Variants in INPP5D observed in about 807,000 individuals in gnomAD.
INPP5D encodes the protein phosphatidylinositol 3,4,5-trisphosphate 5-phosphatase 1.
Under a neutral mutation model 122.9 loss-of-function variants are expected in INPP5D, and 33 were observed. The observed-to-expected ratio is 0.27, with a 90% CI of 0.20 to 0.36. The LOEUF (loss-of-function observed/expected upper bound fraction) is 0.36. INPP5D is among the 10% of genes least tolerant of loss of function. The pLI, the probability that INPP5D is intolerant of heterozygous loss-of-function variation, is 1.00. For missense variants in INPP5D, 1,053 were observed against 1,412.7 expected, an observed-to-expected ratio of 0.75 and a Z score of 4.08; for synonymous variants, 584 against 576.2, an observed-to-expected ratio of 1.01 and a Z score of -0.19.
At position 233,110,644 on chromosome 2, in the gene INPP5D, G is replaced by A. The variant is rs183257790; in HGVS notation, c.199-11463G>A. ...AGCTCAAAAAGTGGTTATTTAGGCC[G>A]GGTGCAGTGGCTGACGCCTGTAATC... On this transcript the variant is annotated intron_variant, in intron 2 of 26. Transcript: ENST00000445964. Among the ~76,000 whole-genome samples the A allele has an allele frequency of 1.4e-3, 209 of 152,242 alleles. 1 individual carries two copies. Among genetic ancestry groups the A allele is most frequent in the African/African-American group, 4.9e-3 (203 of 41,544 alleles).
At chr2:233,121,249 G>C (rs1463871917) in intron 2 of INPP5D, among the ~76,000 whole-genome samples, 1 of 146,858 alleles carries the variant, frequency 6.8e-6, no homozygotes, top group Non-Finnish European at 1.5e-5. Context: ...CTCTTGCCTC[G>C]CCCTCCCAAG....
intron 2 of INPP5D, among the ~76,000 whole-genome samples, chr2:233,116,071 A>G (rs1692779541): frequency 6.6e-6 from 1 of 152,092 alleles, no homozygotes; most frequent in African/African-American, 2.4e-5. Flanking sequence ...TTGTTTCACA[A>G]TCTGAACTAA....
chr2:233,140,740 T>A (rs1396328637), intron 6 of INPP5D: 3 of 152,356 alleles, frequency 2.0e-5, no homozygotes, highest in African/African-American at 7.2e-5. Context: ...CAGATCTCAC[T>A]GTGTTGCCCA....
rs1002081629 is a variant in INPP5D, at chr2:233,078,168, G to A, written c.135-1167G>A. On this transcript the variant is annotated intron_variant, in intron 1 of 26. Transcript: ENST00000445964. The surrounding 1 kb of genome is among the most constrained non-coding windows in gnomAD (Gnocchi z 4.6). Reference sequence around the variant, plus strand: ...TGACAGCCTTCTGGCCTCAGCAGCCGATGGATTCCATGGGTGTTAGCTGCT... The same window carrying A: ...TGACAGCCTTCTGGCCTCAGCAGCCAATGGATTCCATGGGTGTTAGCTGCT... Among the ~76,000 whole-genome samples the A allele has an allele frequency of 2.0e-5, 3 of 152,230 alleles. No individual in the cohort carries two copies. Among genetic ancestry groups the A allele is most frequent in the Admixed American group, 6.5e-5 (1 of 15,286 alleles).
intron 9 of INPP5D, among the ~76,000 whole-genome samples, chr2:233,158,073 G>C (rs558850542): frequency 6.6e-6 from 1 of 152,202 alleles, no homozygotes; most frequent in South Asian, 2.1e-4. Context: ...ATGAAAAGAC[G>C]ATCACGCTGT....
rs985114923 is a variant in INPP5D at position 233,060,522 on chromosome 2, C to T, written c.44C>T (p.Ala15Val). The T allele has an allele frequency of 6.2e-6, 10 of 1,613,494 alleles. No homozygotes were observed. Among genetic ancestry groups the T allele is most frequent in the Non-Finnish European group, 8.5e-6 (10 of 1,179,718 alleles). Residue 15 changes from alanine to valine, a missense_variant, in exon 1 of 27, where the codon GCG becomes GTG. Ala to Val is a moderately conservative substitution (Grantham distance 64). Transcript: ENST00000445964. ...WNHGNITRSK[A>V]EELLSRTGKD... ...CATGGCAACATCACCCGCTCCAAGG[C>T]GGAGGAGCTGCTTTCCAGGACAGGC...
At chr2:233,083,504 C>A (rs1691745574) in intron 2 of INPP5D, among the ~76,000 whole-genome samples, 1 of 152,158 alleles carries the variant, frequency 6.6e-6, no homozygotes, top group African/African-American at 2.4e-5. Flanking sequence ...CTGTGTGAGG[C>A]CAGACGAAGG....
At chr2:233,135,192 CTTTTTT>C (rs56018008) in intron 5 of INPP5D, among the ~76,000 whole-genome samples, 3 of 146,956 alleles carry the variant, frequency 2.0e-5, no homozygotes, top group Non-Finnish European at 3.0e-5. Context: ...ACTGAAACAT[CTTTTTT>C]TTTTTTTTCT....
chr2:233,148,596 A>G (rs895339617), intron 9 of INPP5D, among the ~76,000 whole-genome samples: 1 of 152,186 alleles, frequency 6.6e-6, no homozygotes, highest in Admixed American at 6.5e-5. Flanking sequence ...GTGCGGGGCC[A>G]CATGGGGCTG....
Position 233,145,157 on chromosome 2 carries a change from G to A in INPP5D, c.754-1005G>A. On this transcript the variant is annotated intron_variant, in intron 6 of 26. Coordinates refer to ENST00000445964, the MANE Select transcript of INPP5D (RefSeq NM_001017915.3). ...TCTACATTTCCACACCTGGCAGCAT[G>A]TCTAACATAGAATAGATGCTTTGTA... is the stretch of plus-strand genomic sequence containing the variant. The A allele has an allele frequency of 1.1e-5, 5 of 451,524 alleles. No individual in the cohort carries two copies. The Admixed American group carries it at 1.2e-4, about 11-fold the overall frequency. 28.0% of individuals were successfully genotyped at this position (451,524 alleles called of 1,614,324 possible).
At chr2:233,203,464 A>T (rs1298841681) in intron 25 of INPP5D, among the ~76,000 whole-genome samples, 1 of 152,212 alleles carries the variant, frequency 6.6e-6, no homozygotes. Context: ...AACAGGTTTT[A>T]TAGTGGAAAA....
intron 9 of INPP5D, among the ~76,000 whole-genome samples, chr2:233,152,185 G>A (rs923246715): frequency 6.6e-6 from 1 of 152,204 alleles, no homozygotes; most frequent in Non-Finnish European, 1.5e-5. Flanking sequence ...ATGGGGTAAG[G>A]TGTGTCCTTA....
intron 2 of INPP5D, among the ~76,000 whole-genome samples, chr2:233,099,224 C>G (rs1692235570): frequency 6.6e-6 from 1 of 152,144 alleles, no homozygotes; most frequent in African/African-American, 2.4e-5. Flanking sequence ...GTGCTGGGAT[C>G]ACACGTGTGA....
Position 233,204,502 on chromosome 2 carries a change from G to T in INPP5D, c.3352G>T (p.Ala1118Ser). The part of the protein sequence containing the change: ...TPVSSQAPVP[A>S]KRPIKPSRSE... Reference sequence around the variant, plus strand: ...GGTCAGCTCCCAGGCCCCGGTGCCGGCCAAGAGGCCCATCAAGCCTTCCAG... The same window carrying T: ...GGTCAGCTCCCAGGCCCCGGTGCCGTCCAAGAGGCCCATCAAGCCTTCCAG... The change falls in exon 26 of 27, where the codon GCC (alanine) becomes TCC (serine). Residue 1118 changes from alanine to serine, a missense_variant. Ala to Ser is a moderately conservative substitution (Grantham distance 99). Coordinates refer to ENST00000445964, the MANE Select transcript of INPP5D (RefSeq NM_001017915.3). 1 of 1,582,488 alleles carries T rather than the reference G, an allele frequency of 6.3e-7. No individual in the cohort carries two copies. The highest frequency in any genetic ancestry group is 8.6e-7 in the Non-Finnish European group (1 of 1,165,702).
At chr2:233,157,740 A>G (rs1223415450) in intron 9 of INPP5D, among the ~76,000 whole-genome samples, 10 of 130,008 alleles carry the variant, frequency 7.7e-5, no homozygotes, top group Admixed American at 7.4e-4. Context: ...GGAAAGTATT[A>G]ATCTAAGCAT....
Position 233,206,641 on chromosome 2 carries a change from G to C in INPP5D, c.3568-65G>C. 1.3e-6 allele frequency: 1 copy of C among 747,158 alleles called. No homozygotes were observed. The allele number at this position is 747,158 out of a possible 1,614,324, so 46.3% of individuals were successfully genotyped here. ...TAGCCCACAGCATGCAGGGACCTGG[G>C]CCACTTAGTTCAACATGGCCTGGTG... On this transcript the variant is annotated intron_variant, in intron 26 of 26. Coordinates refer to ENST00000445964, the MANE Select transcript of INPP5D (RefSeq NM_001017915.3). This position sits in a 1 kb window ranked among gnomAD's most constrained non-coding sequence, Gnocchi z 4.0.
At chr2:233,190,391 G>A (rs1695022814) in intron 22 of INPP5D, among the ~76,000 whole-genome samples, 1 of 152,182 alleles carries the variant, frequency 6.6e-6, no homozygotes, top group African/African-American at 2.4e-5. Flanking sequence ...GTCTGGAGCT[G>A]CGGACTCCCC....
At chr2:233,121,272 C>T (rs1692966843) in intron 2 of INPP5D, among the ~76,000 whole-genome samples, 1 of 151,438 alleles carries the variant, frequency 6.6e-6, no homozygotes, top group African/African-American at 2.4e-5. Flanking sequence ...GCTGAAATTA[C>T]AGGTGCGCAC....
In INPP5D at chr2:233,197,388, C is replaced by T. The variant is rs1422722568; in HGVS notation, c.2694-707C>T. Among the ~76,000 whole-genome samples the T allele has an allele frequency of 6.6e-6, 1 of 152,188 alleles. No homozygotes were observed. The highest frequency in any genetic ancestry group is 2.4e-5 in the African/African-American group (1 of 41,436). The stretch of plus-strand genomic sequence containing the variant: ...TGTCTCTATGCTGACGCTGCACACA[C>T]AAATGTGTGAGCTGATGTGTTCCAG... On this transcript the variant is annotated intron_variant, in intron 24 of 26. Coordinates refer to ENST00000445964, the MANE Select transcript of INPP5D (RefSeq NM_001017915.3). The surrounding 1 kb of genome is among the most constrained non-coding windows in gnomAD (Gnocchi z 4.4).
Sources: allele counts gnomAD v4.1 joint callset (sites outside exome capture counted in the v4.1 genomes callset), GRCh38; gene constraint gnomAD v4.1.1; non-coding constraint Gnocchi (gnomAD v3.1); transcripts MANE v1.5; gene names NCBI Gene and HGNC (gene_info 2026-07-23, HGNC 2026-07-21).